The following LIPI variants were observed in gnomAD, a reference collection of about 807,000 sequenced individuals.
LIPI encodes the protein lipase I.
In LIPI, 59 loss-of-function variants were observed where a neutral mutation model predicts 50.6. The observed-to-expected ratio is 1.16, with a 90% CI of 0.94 to 1.45. The LOEUF (loss-of-function observed/expected upper bound fraction) is 1.45, where lower values mean the gene tolerates loss of function less well. LIPI is among the 40% of genes most tolerant of loss of function. The probability of loss-of-function intolerance (pLI) is 0.00; values close to 1 mark genes in which losing one functional copy is unlikely to be tolerated. For synonymous variants in LIPI, 203 were observed against 178.2 expected, an observed-to-expected ratio of 1.14 and a Z score of -1.11; for missense variants, 586 against 536.3, an observed-to-expected ratio of 1.09 and a Z score of -0.92.
At chr21:14,203,831 C>A (rs922211423) in intron 1 of LIPI, among the ~76,000 whole-genome samples, 2 of 146,128 alleles carry the variant, frequency 1.4e-5, no homozygotes, top group Admixed American at 1.4e-4. Context: ...GCACATGTAC[C>A]CTAAAACTTA....
chr21:14,148,147 G>A (rs749511590), intron 8 of LIPI, among the ~76,000 whole-genome samples: 3 of 151,934 alleles, frequency 2.0e-5, no homozygotes, highest in Non-Finnish European at 2.9e-5. Flanking sequence ...TCCTAATTTT[G>A]CTAAATAAAA....
chr21:14,158,337 TA>T (rs1428147796), intron 7 of LIPI, among the ~76,000 whole-genome samples: 2 of 151,540 alleles, frequency 1.3e-5, no homozygotes, highest in Non-Finnish European at 3.0e-5. Flanking sequence ...ACAGCGTGCT[TA>T]TAAATAACCC....
chr21:14,187,434 A>G (rs1186127976), intron 2 of LIPI, among the ~76,000 whole-genome samples: 1 of 152,190 alleles, frequency 6.6e-6, no homozygotes, highest in East Asian at 1.9e-4. Context: ...GCCCCAAAAC[A>G]TAAGGGAGTA....
At chr21:14,132,422 AAC>A (rs1009215693) in intron 9 of LIPI, among the ~76,000 whole-genome samples, 1 of 152,140 alleles carries the variant, frequency 6.6e-6, no homozygotes, top group Non-Finnish European at 1.5e-5. Flanking sequence ...AAGTGCTGAA[AAC>A]ACACACACAC....
intron 4 of LIPI, among the ~76,000 whole-genome samples, chr21:14,179,919 C>T (rs944527088): frequency 4.6e-5 from 7 of 151,978 alleles, no homozygotes; most frequent in Non-Finnish European, 8.8e-5. Context: ...CCTGTGGGGT[C>T]GGGCAAAAAG....
chr21:14,159,023 C>T (rs1012886509), intron 7 of LIPI, among the ~76,000 whole-genome samples: 4 of 151,344 alleles, frequency 2.6e-5, no homozygotes, highest in Non-Finnish European at 5.9e-5. Context: ...TCTCCAGACC[C>T]AAATGGTTTC....
chr21:14,168,190 G>A (rs980882083), intron 4 of LIPI, among the ~76,000 whole-genome samples: 23 of 152,258 alleles, frequency 1.5e-4, no homozygotes, highest in Non-Finnish European at 2.8e-4. Context: ...AATGAACAAA[G>A]CCTCCAAGAA....
intron 9 of LIPI, among the ~76,000 whole-genome samples, chr21:14,132,847 A>C (rs2017346297): frequency 6.6e-6 from 1 of 152,196 alleles, no homozygotes; most frequent in South Asian, 2.1e-4. Flanking sequence ...AATACAAAAG[A>C]TCTTGAGAGA....
At chr21:14,145,266 C>T (rs1568848148) in intron 8 of LIPI, among the ~76,000 whole-genome samples, 1 of 152,134 alleles carries the variant, frequency 6.6e-6, no homozygotes, top group South Asian at 2.1e-4. Flanking sequence ...ATTTTCTGTG[C>T]ATTTACAATG....
At chr21:14,137,463 A>C (rs537463922) in intron 9 of LIPI, among the ~76,000 whole-genome samples, 23 of 152,320 alleles carry the variant, frequency 1.5e-4, no homozygotes, top group African/African-American at 5.5e-4. Context: ...AAAGCATCAC[A>C]GTCCTTTAAA....
At chr21:14,138,857 T>C (rs1299578549) in intron 9 of LIPI, among the ~76,000 whole-genome samples, 1 of 152,130 alleles carries the variant, frequency 6.6e-6, no homozygotes, top group Non-Finnish European at 1.5e-5. Flanking sequence ...ACATAACACT[T>C]ATATGCCAGG....
chr21:14,112,572 C>A (rs1258375546), intron 9 of LIPI, among the ~76,000 whole-genome samples: 1 of 151,424 alleles, frequency 6.6e-6, no homozygotes, highest in Non-Finnish European at 1.5e-5. Flanking sequence ...AAATTTATTC[C>A]TAGGTATTTT....
At chr21:14,128,256 T>A (rs1312558187) in intron 9 of LIPI, among the ~76,000 whole-genome samples, 1 of 152,094 alleles carries the variant, frequency 6.6e-6, no homozygotes, top group Non-Finnish European at 1.5e-5. Flanking sequence ...TACATATGAA[T>A]TAAAATTTCC....
chr21:14,173,291 C>T (rs369741684), intron 4 of LIPI, among the ~76,000 whole-genome samples: 2 of 152,166 alleles, frequency 1.3e-5, no homozygotes, highest in Non-Finnish European at 2.9e-5. Context: ...ATTTCTAAGA[C>T]CTGCTGGTGC....
intron 9 of LIPI, among the ~76,000 whole-genome samples, chr21:14,131,044 A>G (rs1426812736): frequency 6.6e-6 from 1 of 152,086 alleles, no homozygotes; most frequent in Non-Finnish European, 1.5e-5. Context: ...TCTGCCTCCC[A>G]GGTTCATGCC....
intron 4 of LIPI, among the ~76,000 whole-genome samples, chr21:14,169,160 T>A (rs1160124967): frequency 6.6e-6 from 1 of 152,142 alleles, no homozygotes; most frequent in Non-Finnish European, 1.5e-5. Flanking sequence ...CAAGAAGAGC[T>A]AACTATCCTA....
chr21:14,130,425 TACC>T (rs1221497183), intron 9 of LIPI, among the ~76,000 whole-genome samples: 4 of 152,164 alleles, frequency 2.6e-5, no homozygotes, highest in African/African-American at 9.7e-5. Flanking sequence ...TTGACATTGC[TACC>T]ACCACCACCT....
At chr21:14,119,197 G>A (rs576040996) in intron 9 of LIPI, among the ~76,000 whole-genome samples, 1 of 152,292 alleles carries the variant, frequency 6.6e-6, no homozygotes, top group Non-Finnish European at 1.5e-5. Context: ...TATCTTTGAA[G>A]AAGCACTAGC....
intron 7 of LIPI, among the ~76,000 whole-genome samples, chr21:14,161,359 A>G (rs2018455183): frequency 7.0e-6 from 1 of 143,874 alleles, no homozygotes; most frequent in Non-Finnish European, 1.5e-5. Context: ...ATATAGTAAT[A>G]TAGGTAATAT....
Sources: allele counts gnomAD v4.1 joint callset (sites outside exome capture counted in the v4.1 genomes callset), GRCh38; gene constraint gnomAD v4.1.1; transcripts MANE v1.5; gene names NCBI Gene and HGNC (gene_info 2026-07-23, HGNC 2026-07-21).